Variants in UNC45B observed in about 807,000 individuals in gnomAD.
The protein encoded by UNC45B is unc-45 myosin chaperone B, also known as protein unc-45 homolog B.
Under a neutral mutation model 98.7 loss-of-function variants are expected in UNC45B, and 78 were observed. The observed-to-expected ratio is 0.79, with a 90% CI of 0.66 to 0.95. The LOEUF (loss-of-function observed/expected upper bound fraction) is 0.95, where lower values mean the gene tolerates loss of function less well. Among genes scored for constraint, UNC45B ranks in the 40% least tolerant of loss-of-function variants. The pLI is 0.00. For synonymous variants in UNC45B, 462 were observed against 480.4 expected (o/e 0.96, Z 0.50); for missense variants, 1,225 against 1,184.9 (o/e 1.03, Z -0.50).
At chr17:35,151,194 CT>C (rs1468274716) in intron 4 of UNC45B, 3 of 304,354 alleles carry the variant, frequency 9.9e-6, no homozygotes, top group South Asian at 2.7e-5. Flanking sequence ...TGGTTAGTTT[CT>C]TTTCCTCCGC....
rs144530439 is a variant in UNC45B at position 35,183,515 on chromosome 17, C to A, written c.2462C>A (p.Ala821Glu). ...GAGGATGATGATAAGGTGCAGAATG[C>A]GGCTGCAGGGGCTCTGGCCATGCTG... ...CGEDDDKVQN[A>E]AAGALAMLTA... is the part of the protein sequence containing the mutation. Residue 821 changes from alanine to glutamate, a missense_variant, in exon 19 of 20, where the codon GCG becomes GAG. Coordinates refer to ENST00000394570, the MANE Select transcript of UNC45B (RefSeq NM_001267052.2). 3.7e-6 allele frequency: 6 copies of A among 1,603,624 alleles called. No homozygotes were observed. Among genetic ancestry groups the A allele is most frequent in the Non-Finnish European group, 5.1e-6 (6 of 1,174,680 alleles).
intron 8 of UNC45B, among the ~76,000 whole-genome samples, chr17:35,163,501 T>C (rs1757586801): frequency 6.6e-6 from 1 of 152,198 alleles, no homozygotes; most frequent in Non-Finnish European, 1.5e-5. Context: ...ATTTACTAAA[T>C]AAATACTTAA....
intron 4 of UNC45B, among the ~76,000 whole-genome samples, chr17:35,152,152 A>C (rs529033651): frequency 6.6e-6 from 1 of 152,332 alleles, no homozygotes; most frequent in South Asian, 2.1e-4. Flanking sequence ...AGGCTTAGAC[A>C]GGAGAATCAC....
At position 35,188,608 on chromosome 17, in the gene UNC45B, G is replaced by A. The variant is rs969747342; in HGVS notation, c.*2049G>A. The A allele has an allele frequency of 8.6e-5, 13 of 151,846 alleles. No individual in the cohort carries two copies. The highest frequency in any genetic ancestry group is 1.3e-4 in the Admixed American group (2 of 15,220). The allele number at this position is 151,846 out of a possible 1,614,324, so 9.4% of individuals were successfully genotyped here. ...TCTACTTCAGCCTCCTCAATAGCTG[G>A]GACTACAGGCACACACCACCACCCC... On this transcript the variant is annotated 3_prime_UTR_variant, in exon 20 of 20. Transcript: ENST00000394570.
chr17:35,182,454 C>T (rs34434394), intron 18 of UNC45B, among the ~76,000 whole-genome samples: 53,301 of 151,896 alleles, frequency 0.35, 9,558 homozygotes, highest in Middle Eastern at 0.42. Flanking sequence ...CTGTCTTCTC[C>T]TCTGCCACAC....
intron 7 of UNC45B, 78 bp downstream of exon 7, chr17:35,155,542 C>T: frequency 6.8e-7 from 1 of 1,470,026 alleles, no homozygotes; most frequent in South Asian, 1.2e-5. Flanking sequence ...TGGGAATTCC[C>T]TGTATGTGGG....
intron 15 of UNC45B, among the ~76,000 whole-genome samples, chr17:35,176,445 G>A (rs954963331): frequency 3.3e-5 from 5 of 152,154 alleles, no homozygotes; most frequent in Non-Finnish European, 5.9e-5. Flanking sequence ...AATATAGAAA[G>A]TATTGATTCA....
intron 15 of UNC45B, among the ~76,000 whole-genome samples, chr17:35,176,777 T>C (rs1181902857): frequency 6.6e-6 from 1 of 152,206 alleles, no homozygotes; most frequent in African/African-American, 2.4e-5. Context: ...TTCCAAAAGC[T>C]GAAGGAATAT....
chr17:35,176,180 T>C, intron 15 of UNC45B, 146 bp downstream of exon 15: 1 of 739,494 alleles, frequency 1.4e-6, no homozygotes, highest in Non-Finnish European at 2.4e-6. Context: ...CCCAAGCCAA[T>C]TTCTGCTTGA....
chr17:35,169,903 A>AC lies in UNC45B; in HGVS notation c.1520dup (p.Glu508ArgfsTer36). On this transcript the variant is annotated frameshift_variant, in exon 11 of 20. Coordinates refer to ENST00000394570, the MANE Select transcript of UNC45B (RefSeq NM_001267052.2). LOFTEE classifies it high-confidence loss of function. The stretch of plus-strand genomic sequence containing the variant: ...TCTCAGGCAGTTTGCGGAAGGGTCG[A>AC]CAGAAAAACTGGCCAAACAGTGTCG... 1 of 1,614,148 alleles carries AC rather than the reference A, an allele frequency of 6.2e-7. No homozygotes were observed. The highest frequency in any genetic ancestry group is 8.5e-7 in the Non-Finnish European group (1 of 1,180,022).
chr17:35,173,125 C>CTTTTTT (rs11428951), intron 13 of UNC45B, among the ~76,000 whole-genome samples: 1 of 126,158 alleles, frequency 7.9e-6, no homozygotes, highest in Non-Finnish European at 1.6e-5. Context: ...AATTTTTATA[C>CTTTTTT]TTTTTTTTTT....
intron 16 of UNC45B, 107 bp from the exon 17 acceptor site, chr17:35,177,388 A>G (rs1391256744): frequency 2.6e-6 from 2 of 782,058 alleles, no homozygotes; most frequent in Non-Finnish European, 4.2e-6. Flanking sequence ...AAATCAGACA[A>G]TGTATGAGAA....
At chr17:35,172,096 T>C (rs1447040532) in intron 13 of UNC45B, among the ~76,000 whole-genome samples, 1 of 152,226 alleles carries the variant, frequency 6.6e-6, no homozygotes, top group Admixed American at 6.5e-5. Flanking sequence ...TGACTGCTGT[T>C]GGCATTTTGA....
rs139081277 is a variant in UNC45B at position 35,170,231 on chromosome 17, G to T, written c.1665G>T (p.Leu555=). The change falls in exon 12 of 20, where the codon CTG becomes CTT. Residue 555 remains leucine, a synonymous_variant. Coordinates refer to ENST00000394570, the MANE Select transcript of UNC45B (RefSeq NM_001267052.2). ...KDDFVQDVPA[L]QAMFELAKTS... ...ACTTTGTCCAGGACGTCCCTGCCCTGCAGGCCATGTTTGAGCTGGCCAAGG... is the reference window on the plus strand; with the variant it reads ...ACTTTGTCCAGGACGTCCCTGCCCTTCAGGCCATGTTTGAGCTGGCCAAGG... The T allele has an allele frequency of 6.5e-3, 10,410 of 1,611,892 alleles. 67 individuals are homozygous for T. Among genetic ancestry groups the T allele is most frequent in the Middle Eastern group, 0.027 (164 of 6,042 alleles).
chr17:35,155,093 G>GT (rs1470433480), intron 6 of UNC45B, among the ~76,000 whole-genome samples: 1 of 152,176 alleles, frequency 6.6e-6, no homozygotes, highest in Non-Finnish European at 1.5e-5. Context: ...GTATTGGATG[G>GT]CACAGCTCTG....
intron 19 of UNC45B, among the ~76,000 whole-genome samples, chr17:35,184,214 C>G (rs1443400670): frequency 6.6e-6 from 1 of 152,188 alleles, no homozygotes; most frequent in Non-Finnish European, 1.5e-5. Context: ...ATGTGTGTAT[C>G]AGCGGGTGTG....
intron 15 of UNC45B, among the ~76,000 whole-genome samples, chr17:35,176,383 A>C (rs2092233898): frequency 6.6e-6 from 1 of 152,176 alleles, no homozygotes; most frequent in South Asian, 2.1e-4. Flanking sequence ...CATCTGTAAA[A>C]TAGGGGGAAA....
At chr17:35,173,254 TA>T (rs749835631) in intron 13 of UNC45B, among the ~76,000 whole-genome samples, 9 of 151,766 alleles carry the variant, frequency 5.9e-5, no homozygotes, top group Non-Finnish European at 1.3e-4. Flanking sequence ...GCCTCCTGAG[TA>T]GCTGGGATTA....
chr17:35,170,331 C>T (rs766938136), intron 12 of UNC45B, 76 bp downstream of exon 12: 194 of 1,447,114 alleles, frequency 1.3e-4, no homozygotes, highest in Non-Finnish European at 1.6e-4. Flanking sequence ...GGGAATGGAT[C>T]CCAGTCTTCC....
Sources: gnomAD v4.1 joint callset for allele counts (sites outside exome capture counted in the v4.1 genomes callset) on GRCh38, gnomAD v4.1.1 for gene constraint, MANE v1.5 for transcripts, NCBI Gene and HGNC (gene_info 2026-07-23, HGNC 2026-07-21) for gene names.